IL1RAPL2: variants seen among roughly 807,000 people sequenced by gnomAD.
IL1RAPL2 encodes X-linked interleukin-1 receptor accessory protein-like 2.
Under a neutral mutation model 44.1 loss-of-function variants are expected in IL1RAPL2, and 3 were observed. The observed-to-expected ratio is 0.07, with a 90% CI of 0.03 to 0.18. The LOEUF (loss-of-function observed/expected upper bound fraction) is 0.18, where lower values mean the gene tolerates loss of function less well. Among genes scored for constraint, IL1RAPL2 ranks in the 10% least tolerant of loss-of-function variants. The pLI is 1.00. For missense variants in IL1RAPL2, 391 were observed against 496.4 expected (o/e 0.79, Z 2.02); for synonymous variants, 181 against 178.8 (o/e 1.01, Z -0.10).
At chrX:105,343,941 C>T (rs2035090988) in intron 5 of IL1RAPL2, among the ~76,000 whole-genome samples, 1 of 107,693 alleles carries the variant, frequency 9.3e-6, no homozygotes, top group African/African-American at 3.4e-5. Context: ...GTTTCCCAGG[C>T]TGGAGAGCAG....
intron 3 of IL1RAPL2, among the ~76,000 whole-genome samples, chrX:105,202,914 C>G (rs2033729927): frequency 8.9e-6 from 1 of 111,783 alleles, no homozygotes; most frequent in African/African-American, 3.3e-5. Flanking sequence ...CTCAAATTGA[C>G]CTTTAATGCT....
At chrX:104,605,751 C>T (rs1179601428) in intron 1 of IL1RAPL2, among the ~76,000 whole-genome samples, 1 of 111,815 alleles carries the variant, frequency 8.9e-6, no homozygotes, top group Non-Finnish European at 1.9e-5. Flanking sequence ...CACATACACC[C>T]TTCCAAATCT....
chrX:104,737,374 TAAG>T (rs1932032014), intron 2 of IL1RAPL2, among the ~76,000 whole-genome samples: 1 of 112,404 alleles, frequency 8.9e-6, no homozygotes, highest in African/African-American at 3.2e-5. Context: ...ACTGCTGAAA[TAAG>T]AAGTTATTCA....
chrX:105,739,024 C>T (rs1467367310), intron 7 of IL1RAPL2, among the ~76,000 whole-genome samples: 5 of 110,913 alleles, frequency 4.5e-5, no homozygotes, highest in East Asian at 5.7e-4. Context: ...AGAGAGCAGG[C>T]TTCTCACTAA....
At chrX:104,675,982 T>C (rs5917120) in intron 2 of IL1RAPL2, among the ~76,000 whole-genome samples, 33,789 of 101,715 alleles carry the variant, frequency 0.33, 5,572 homozygotes, top group Non-Finnish European at 0.42. Context: ...TTATTTTGAG[T>C]CTATGTGTGT....
At chrX:104,893,414 G>A (rs1215995471) in intron 2 of IL1RAPL2, among the ~76,000 whole-genome samples, 2 of 111,126 alleles carry the variant, frequency 1.8e-5, no homozygotes, top group Non-Finnish European at 3.8e-5. Context: ...ATTATTGTGT[G>A]GGAGTCTAAG....
chrX:105,202,726 A>G (rs1264134014), intron 3 of IL1RAPL2, among the ~76,000 whole-genome samples: 1 of 111,241 alleles, frequency 9.0e-6, no homozygotes, highest in African/African-American at 3.3e-5. Context: ...ACTCCCATAT[A>G]CACCCTCTTG....
intron 2 of IL1RAPL2, among the ~76,000 whole-genome samples, chrX:104,819,575 A>G (rs1921243539): frequency 8.9e-6 from 1 of 112,087 alleles, no homozygotes; most frequent in African/African-American, 3.2e-5. Context: ...TGTACTTCAA[A>G]GAAATGACTC....
chrX:104,797,197 C>CAA (rs1250325510), intron 2 of IL1RAPL2, among the ~76,000 whole-genome samples: 1 of 30,092 alleles, frequency 3.3e-5, no homozygotes, highest in Non-Finnish European at 7.6e-5. Context: ...CCCCCCCCCC[C>CAA]CCCCGCAAAG....
rs1556372467 is a variant in IL1RAPL2, at chrX:105,640,691, T to TAC, written c.773-76668_773-76667dup. Among the ~76,000 whole-genome samples, 330 of 76,018 alleles carry TAC rather than the reference T, an allele frequency of 4.3e-3. 2 individuals are homozygous for TAC. Among genetic ancestry groups the TAC allele is most frequent in the Non-Finnish European group, 6.7e-3 (256 of 38,275 alleles). The allele number at this position is 76,018 out of a possible 115,157, so 66.0% of individuals were successfully genotyped here. ...ATATATATATATATATATATATATA[T>TAC]ACACACACATATACATATATATACA... On this transcript the variant is annotated intron_variant, in intron 6 of 10. Transcript: ENST00000372582.
At chrX:104,717,875 G>A (rs998813607) in intron 2 of IL1RAPL2, among the ~76,000 whole-genome samples, 4 of 109,289 alleles carry the variant, frequency 3.7e-5, no homozygotes, top group Non-Finnish European at 7.6e-5. Flanking sequence ...TTGTCATTGC[G>A]ATAGTTTGCT....
At chrX:105,153,970 A>C (rs752517696) in intron 2 of IL1RAPL2, among the ~76,000 whole-genome samples, 65 of 111,633 alleles carry the variant, frequency 5.8e-4, no homozygotes, top group Non-Finnish European at 9.8e-4. Flanking sequence ...TACAGAATGC[A>C]TATTTCCCCC....
At chrX:105,063,802 A>G (rs1478014052) in intron 2 of IL1RAPL2, among the ~76,000 whole-genome samples, 1 of 112,252 alleles carries the variant, frequency 8.9e-6, no homozygotes, top group African/African-American at 3.2e-5. Flanking sequence ...TCACAGAGAT[A>G]CCACCTTGGT....
intron 2 of IL1RAPL2, among the ~76,000 whole-genome samples, chrX:104,722,865 G>T (rs1411201543): frequency 1.8e-5 from 2 of 111,642 alleles, no homozygotes; most frequent in African/African-American, 3.2e-5. Flanking sequence ...GAGCATATAT[G>T]ATAATATAAT....
chrX:105,626,808 T>C (rs2037456354), intron 6 of IL1RAPL2, among the ~76,000 whole-genome samples: 3 of 111,510 alleles, frequency 2.7e-5, no homozygotes, highest in African/African-American at 9.8e-5. Flanking sequence ...ATTGAGATAT[T>C]ATTTTCTACC....
At chrX:104,892,022 G>C (rs1376248116) in intron 2 of IL1RAPL2, among the ~76,000 whole-genome samples, 4 of 111,415 alleles carry the variant, frequency 3.6e-5, no homozygotes, top group South Asian at 3.8e-4. Context: ...TGAATTTTGT[G>C]ACAGGCCTTT....
At chrX:105,063,779 G>C (rs1030234775) in intron 2 of IL1RAPL2, among the ~76,000 whole-genome samples, 1 of 112,068 alleles carries the variant, frequency 8.9e-6, no homozygotes, top group Non-Finnish European at 1.9e-5. Context: ...GTAATGCTTT[G>C]GTTCTTGAAG....
intron 5 of IL1RAPL2, among the ~76,000 whole-genome samples, chrX:105,384,968 A>T (rs1185497697): frequency 9.0e-6 from 1 of 111,413 alleles, no homozygotes; most frequent in Non-Finnish European, 1.9e-5. Flanking sequence ...CCACAACTTT[A>T]CTGAATTTGT....
At chrX:105,039,211 G>C (rs1490423946) in intron 2 of IL1RAPL2, among the ~76,000 whole-genome samples, 1 of 111,851 alleles carries the variant, frequency 8.9e-6, no homozygotes, top group African/African-American at 3.2e-5. Context: ...AAGCTACAAG[G>C]TGCTGTAACT....
Sources: allele counts gnomAD v4.1 joint callset (sites outside exome capture counted in the v4.1 genomes callset), GRCh38; gene constraint gnomAD v4.1.1; transcripts MANE v1.5; gene names NCBI Gene and HGNC (gene_info 2026-07-23, HGNC 2026-07-21).